The following TAOK1 variants were observed in gnomAD, a reference collection of about 807,000 sequenced individuals.
TAOK1 encodes serine/threonine-protein kinase TAO1.
TAOK1 carries 21 observed loss-of-function variants against 138.3 expected under a neutral mutation model. That is an observed-to-expected ratio of 0.15 (90% CI 0.11 to 0.22). The LOEUF is 0.22. TAOK1 is among the 10% of genes least tolerant of loss of function. The probability of loss-of-function intolerance (pLI) is 1.00; values close to 1 mark genes in which losing one functional copy is unlikely to be tolerated. For missense variants in TAOK1, 651 were observed against 1,227.7 expected (o/e 0.53, Z 7.02); for synonymous variants, 361 against 398.4 (o/e 0.91, Z 1.12).
chr17:29,507,097 A>C (rs1598513212), intron 13 of TAOK1, among the ~76,000 whole-genome samples: 1 of 152,282 alleles, frequency 6.6e-6, no homozygotes, highest in East Asian at 1.9e-4. Context: ...ATGGAGAGCA[A>C]CTGCTTAATA....
intron 1 of TAOK1, among the ~76,000 whole-genome samples, chr17:29,399,386 G>T (rs1403277751): frequency 6.6e-6 from 1 of 152,138 alleles, no homozygotes; most frequent in Non-Finnish European, 1.5e-5. Flanking sequence ...CACAATCTCG[G>T]CTCGCTGCAA....
At chr17:29,460,694 G>A (rs542643250) in intron 2 of TAOK1, among the ~76,000 whole-genome samples, 2 of 152,294 alleles carry the variant, frequency 1.3e-5, no homozygotes, top group Non-Finnish European at 2.9e-5. Flanking sequence ...ATTTCCATTT[G>A]TGAAGTAAAG....
chr17:29,444,924 T>C (rs551029358), intron 1 of TAOK1, among the ~76,000 whole-genome samples: 1 of 152,330 alleles, frequency 6.6e-6, no homozygotes, highest in African/African-American at 2.4e-5. Flanking sequence ...TTTTTCCCAT[T>C]GCTATTTTGT....
At position 29,491,777 on chromosome 17, in the gene TAOK1, A is replaced by G; in HGVS notation, c.750-7A>G. The G allele has an allele frequency of 4.4e-6, 7 of 1,607,412 alleles. No individual in the cohort carries two copies. The highest frequency in any genetic ancestry group is 5.1e-6 in the Non-Finnish European group (6 of 1,174,150). On this transcript the variant is annotated splice_polypyrimidine_tract_variant and splice_region_variant and intron_variant, in intron 9 of 19. Coordinates refer to ENST00000261716, the MANE Select transcript of TAOK1 (RefSeq NM_020791.4). ...ATGTGTTCACTTGATACTTTCCTTT[A>G]CAATAGGTCTGATTATTTTCGCAAC...
At chr17:29,494,847 A>AAG (rs1567734554) in intron 10 of TAOK1, among the ~76,000 whole-genome samples, 3 of 151,480 alleles carry the variant, frequency 2.0e-5, no homozygotes, top group Admixed American at 6.6e-5. Context: ...AAAAAAAAAA[A>AAG]AGAATTCAAG....
Position 29,397,795 on chromosome 17 carries a change from A to G in TAOK1, c.-95+6771A>G, listed in dbSNP as rs181673097. 1.9e-3 allele frequency among the ~76,000 whole-genome samples: 280 copies of G among 149,024 alleles called. 2 individuals carry two copies. Among genetic ancestry groups the G allele is most frequent in the Non-Finnish European group, 1.3e-3 (89 of 67,280 alleles). On this transcript the variant is annotated intron_variant, in intron 1 of 19. Transcript: ENST00000261716. ...CATGTATATTCGTGTGTATATATGT[A>G]TATTCATGTATGTATATATGTATAT...
intron 2 of TAOK1, among the ~76,000 whole-genome samples, chr17:29,465,114 C>A (rs1309605768): frequency 2.7e-5 from 4 of 146,962 alleles, no homozygotes; most frequent in African/African-American, 7.6e-5. Flanking sequence ...AGCCACCATG[C>A]CTGGTCTTAT....
chr17:29,503,591 A>G (rs2031572833), intron 13 of TAOK1, among the ~76,000 whole-genome samples: 1 of 152,128 alleles, frequency 6.6e-6, no homozygotes. Flanking sequence ...TCCTAATCAG[A>G]CAGATAAGTA....
chr17:29,475,915 T>C, intron 4 of TAOK1, 144 bp downstream of exon 4: 2 of 681,240 alleles, frequency 2.9e-6, no homozygotes, highest in Non-Finnish European at 5.1e-6. Context: ...AAGCAATATT[T>C]CCTAGAACTT....
chr17:29,521,164 T>TA (rs1391630931), intron 16 of TAOK1, among the ~76,000 whole-genome samples: 4 of 152,220 alleles, frequency 2.6e-5, no homozygotes, highest in Non-Finnish European at 5.9e-5. Flanking sequence ...TAAAATAGAC[T>TA]AATCTGAATA....
At chr17:29,447,990 A>G (rs1246687185) in intron 1 of TAOK1, among the ~76,000 whole-genome samples, 2 of 128,436 alleles carry the variant, frequency 1.6e-5, no homozygotes, top group African/African-American at 5.9e-5. Flanking sequence ...ATTCTTACAG[A>G]TGTACTTCCT....
At chr17:29,441,934 A>T (rs1217418043) in intron 1 of TAOK1, among the ~76,000 whole-genome samples, 1 of 151,680 alleles carries the variant, frequency 6.6e-6, no homozygotes, top group Non-Finnish European at 1.5e-5. Context: ...TACTGATTTT[A>T]GTAATTTGAG....
At chr17:29,466,070 T>G (rs1171234517) in intron 2 of TAOK1, among the ~76,000 whole-genome samples, 4 of 152,142 alleles carry the variant, frequency 2.6e-5, no homozygotes, top group South Asian at 4.1e-4. Context: ...TATTGAGAGT[T>G]TATATATATT....
At chr17:29,483,801 G>T (rs969676246) in intron 8 of TAOK1, among the ~76,000 whole-genome samples, 1 of 152,164 alleles carries the variant, frequency 6.6e-6, no homozygotes. Flanking sequence ...CCATTTGAAA[G>T]TACCTTTAGG....
chr17:29,475,858 A>G, intron 4 of TAOK1, 87 bp downstream of exon 4: 1 of 967,890 alleles, frequency 1.0e-6, no homozygotes, highest in Non-Finnish European at 1.6e-6. Flanking sequence ...TGGTTGTGTA[A>G]ATGCATGCAA....
At chr17:29,425,865 GT>G (rs991146012) in intron 1 of TAOK1, among the ~76,000 whole-genome samples, 1 of 151,674 alleles carries the variant, frequency 6.6e-6, no homozygotes, top group Non-Finnish European at 1.5e-5. Flanking sequence ...AATGAATCAG[GT>G]TTTTTTTGTT....
intron 1 of TAOK1, among the ~76,000 whole-genome samples, chr17:29,434,171 A>G (rs1490576496): frequency 6.6e-6 from 1 of 152,178 alleles, no homozygotes; most frequent in Non-Finnish European, 1.5e-5. Flanking sequence ...TTTTGCTGGC[A>G]TGTTGGGCTT....
At chr17:29,466,881 A>G (rs1457781162) in intron 2 of TAOK1, among the ~76,000 whole-genome samples, 2 of 151,928 alleles carry the variant, frequency 1.3e-5, no homozygotes, top group African/African-American at 4.8e-5. Flanking sequence ...GTACTACTCA[A>G]ATTTCTGTAT....
chr17:29,405,757 A>G (rs546711964), intron 1 of TAOK1, among the ~76,000 whole-genome samples: 4 of 152,252 alleles, frequency 2.6e-5, no homozygotes, highest in African/African-American at 7.2e-5. Flanking sequence ...CCAGCCTGTG[A>G]GACAGAGTGA....
Sources: allele counts gnomAD v4.1 joint callset (sites outside exome capture counted in the v4.1 genomes callset), GRCh38; gene constraint gnomAD v4.1.1; transcripts MANE v1.5; gene names NCBI Gene and HGNC (gene_info 2026-07-23, HGNC 2026-07-21).